RYR2: variants seen among roughly 807,000 people sequenced by gnomAD.
RYR2 encodes ryanodine receptor 2.
In RYR2, 227 loss-of-function variants were observed where a neutral mutation model predicts 601.1. The observed-to-expected ratio is 0.38, with a 90% CI of 0.34 to 0.42. RYR2 has a LOEUF of 0.42. RYR2 is among the 10% of genes least tolerant of loss of function. RYR2 has a pLI of 1.00. For missense variants in RYR2, 4,646 were observed against 6,156.5 expected, an observed-to-expected ratio of 0.75 and a Z score of 8.21; for synonymous variants, 2,223 against 2,175.1, an observed-to-expected ratio of 1.02 and a Z score of -0.61.
chr1:237,608,843 A>G (rs1677462776), intron 35 of RYR2, among the ~76,000 whole-genome samples: 1 of 123,308 alleles, frequency 8.1e-6, no homozygotes, highest in African/African-American at 2.9e-5. Context: ...AAGGAGTTGT[A>G]GTTTCTCAGA....
In RYR2 at chr1:237,717,179, A is replaced by T; in HGVS notation, c.10324-19A>T. 6.2e-7 allele frequency: 1 copy of T among 1,611,566 alleles called. No individual in the cohort carries two copies. The highest frequency in any genetic ancestry group is 8.5e-7 in the Non-Finnish European group (1 of 1,178,468). On this transcript the variant is annotated intron_variant, in intron 71 of 104. Coordinates refer to ENST00000366574, the MANE Select transcript of RYR2 (RefSeq NM_001035.3). ...GAGAAAAGCAGGTTCAGATCCCAGC[A>T]CTTCTCTTTGTTCCATAGGCAGCTG...
At chr1:237,206,383 T>C (rs899362971) in intron 1 of RYR2, among the ~76,000 whole-genome samples, 1 of 152,250 alleles carries the variant, frequency 6.6e-6, no homozygotes, top group East Asian at 1.9e-4. Flanking sequence ...CATTTATTAA[T>C]TGAAACTGAA....
intron 89 of RYR2, 124 bp from the exon 90 acceptor site, chr1:237,783,551 G>C: frequency 1.6e-6 from 1 of 618,892 alleles, no homozygotes; most frequent in Non-Finnish European, 2.9e-6. Flanking sequence ...TCTTTTTATA[G>C]AGTGAGAGAT....
intron 1 of RYR2, among the ~76,000 whole-genome samples, chr1:237,253,945 G>A (rs1404665010): frequency 6.6e-6 from 1 of 152,158 alleles, no homozygotes; most frequent in East Asian, 1.9e-4. Flanking sequence ...ATTGGAGGCT[G>A]AAATTGCAAA....
At chr1:237,689,896 G>A (rs1686786550) in intron 63 of RYR2, among the ~76,000 whole-genome samples, 1 of 150,304 alleles carries the variant, frequency 6.7e-6, no homozygotes, top group Admixed American at 6.6e-5. Context: ...CCAAGCTGGA[G>A]TGCAATGGTG....
intron 1 of RYR2, among the ~76,000 whole-genome samples, chr1:237,063,721 C>T (rs1290242263): frequency 1.3e-5 from 2 of 152,128 alleles, no homozygotes; most frequent in African/African-American, 4.8e-5. Flanking sequence ...TCCTGCTTGC[C>T]ATGCTGTCAT....
intron 1 of RYR2, among the ~76,000 whole-genome samples, chr1:237,213,360 T>C (rs1286654755): frequency 1.3e-5 from 2 of 152,050 alleles, no homozygotes; most frequent in Non-Finnish European, 2.9e-5. Context: ...GAATTTTTTG[T>C]ATAAATGCGA....
chr1:237,613,533 C>T (rs1042910379), intron 36 of RYR2, among the ~76,000 whole-genome samples: 1 of 152,110 alleles, frequency 6.6e-6, no homozygotes, highest in Non-Finnish European at 1.5e-5. Flanking sequence ...GTGGCGCGAT[C>T]TCGGCTCATT....
At chr1:237,380,394 A>G (rs1572058410) in intron 8 of RYR2, among the ~76,000 whole-genome samples, 1 of 34,130 alleles carries the variant, frequency 2.9e-5, no homozygotes, top group Non-Finnish European at 5.9e-5. Flanking sequence ...ATATATATAT[A>G]TATATATATA....
intron 25 of RYR2, among the ~76,000 whole-genome samples, chr1:237,541,148 A>T (rs925383085): frequency 2.0e-5 from 3 of 152,208 alleles, no homozygotes; most frequent in African/African-American, 7.2e-5. Flanking sequence ...AAACCCTTAG[A>T]TACTCTTTTT....
At chr1:237,095,876 T>G (rs1002729901) in intron 1 of RYR2, among the ~76,000 whole-genome samples, 1 of 152,208 alleles carries the variant, frequency 6.6e-6, no homozygotes, top group African/African-American at 2.4e-5. Context: ...GGCGGGGAAG[T>G]GGACTTGTGG....
chr1:237,202,862 G>A (rs939620271), intron 1 of RYR2, among the ~76,000 whole-genome samples: 4 of 152,112 alleles, frequency 2.6e-5, no homozygotes, highest in African/African-American at 9.7e-5. Flanking sequence ...TGGAAAGGAG[G>A]GAAAGGACAA....
intron 5 of RYR2, among the ~76,000 whole-genome samples, chr1:237,366,068 A>T (rs566023519): frequency 1.3e-5 from 2 of 152,350 alleles, no homozygotes; most frequent in African/African-American, 2.4e-5. Flanking sequence ...AACATGCTGA[A>T]TTTTATCTCG....
intron 2 of RYR2, among the ~76,000 whole-genome samples, chr1:237,304,135 T>C (rs187517052): frequency 2.6e-5 from 4 of 152,266 alleles, no homozygotes; most frequent in African/African-American, 9.6e-5. Flanking sequence ...AAGCAGTAGG[T>C]ACAAGTTGAC....
At chr1:237,792,504 A>G (rs1658574858) in intron 94 of RYR2, among the ~76,000 whole-genome samples, 181 bp downstream of exon 94, 1 of 151,722 alleles carries the variant, frequency 6.6e-6, no homozygotes, top group African/African-American at 2.4e-5. Flanking sequence ...TGCTCCATGA[A>G]TCAACATGCA....
At chr1:237,810,179 TATAA>T (rs1406630128) in intron 100 of RYR2, among the ~76,000 whole-genome samples, 5 of 151,974 alleles carry the variant, frequency 3.3e-5, no homozygotes, top group Non-Finnish European at 7.4e-5. Flanking sequence ...AAAGAGCAAC[TATAA>T]ATAAAGTCGT....
intron 17 of RYR2, among the ~76,000 whole-genome samples, chr1:237,483,976 G>T (rs917741551): frequency 6.6e-6 from 1 of 152,146 alleles, no homozygotes; most frequent in African/African-American, 2.4e-5. Flanking sequence ...TCGCTGATCT[G>T]CTGTGGACAC....
intron 1 of RYR2, among the ~76,000 whole-genome samples, chr1:237,154,353 G>A (rs561052436): frequency 7.2e-5 from 11 of 152,284 alleles, no homozygotes; most frequent in African/African-American, 2.6e-4. Flanking sequence ...CGAGTGCTTT[G>A]GTGCAGGCAG....
intron 10 of RYR2, among the ~76,000 whole-genome samples, chr1:237,413,672 C>T (rs1452151918): frequency 1.3e-5 from 2 of 152,064 alleles, no homozygotes; most frequent in Non-Finnish European, 2.9e-5. Flanking sequence ...TATATGTTCA[C>T]ATATGTACAT....
Sources: gnomAD v4.1 joint callset for allele counts (sites outside exome capture counted in the v4.1 genomes callset) on GRCh38, gnomAD v4.1.1 for gene constraint, MANE v1.5 for transcripts, NCBI Gene and HGNC (gene_info 2026-07-23, HGNC 2026-07-21) for gene names.